Variants in WDR27 observed in about 807,000 individuals in gnomAD.
WDR27 encodes WD repeat-containing protein 27.
WDR27 carries 100 observed loss-of-function variants against 114.4 expected under a neutral mutation model. The ratio of observed to expected loss-of-function variants is 0.87; its 90% CI spans 0.74 to 1.03. WDR27 has a LOEUF of 1.03. Among genes scored for constraint, WDR27 ranks in the 50% least tolerant of loss-of-function variants. WDR27 has a pLI of 0.00. For missense variants in WDR27, 1,129 were observed against 1,092.9 expected (o/e 1.03, Z -0.47); for synonymous variants, 449 against 423.1 (o/e 1.06, Z -0.75).
chr6:169,695,884 G>A (rs1007140856), intron 1 of WDR27, among the ~76,000 whole-genome samples: 2 of 152,168 alleles, frequency 1.3e-5, no homozygotes, highest in Admixed American at 1.3e-4. Flanking sequence ...TCAACCTGCT[G>A]TGGTTACCGG....
chr6:169,469,793 A>G (rs930665840), intron 25 of WDR27, among the ~76,000 whole-genome samples: 1 of 152,192 alleles, frequency 6.6e-6, no homozygotes, highest in African/African-American at 2.4e-5. Context: ...TACACTGGCA[A>G]TGTTTCCACT....
chr6:169,463,439 C>G (rs1002401204), intron 25 of WDR27, among the ~76,000 whole-genome samples: 1 of 152,192 alleles, frequency 6.6e-6, no homozygotes, highest in African/African-American at 2.4e-5. Context: ...GGTCATTATA[C>G]TCGATGGTGA....
At chr6:169,632,868 G>A in intron 21 of WDR27, 79 bp downstream of exon 21, 1 of 1,298,128 alleles carries the variant, frequency 7.7e-7, no homozygotes, top group Admixed American at 2.6e-5. Flanking sequence ...TTATAAAATG[G>A]CATCATACAT....
intron 1 of WDR27, among the ~76,000 whole-genome samples, chr6:169,692,677 G>A (rs961413678): frequency 1.3e-5 from 2 of 152,074 alleles, no homozygotes; most frequent in African/African-American, 4.8e-5. Context: ...CACTTCCCTG[G>A]CAACCTATGT....
At chr6:169,582,162 A>G (rs893240053) in intron 24 of WDR27, among the ~76,000 whole-genome samples, 12 of 152,040 alleles carry the variant, frequency 7.9e-5, no homozygotes, top group African/African-American at 1.2e-4. Context: ...TTTAGTAGAG[A>G]TGGCGTTTCG....
intron 25 of WDR27, among the ~76,000 whole-genome samples, chr6:169,543,221 A>C (rs1017692255): frequency 2.0e-5 from 3 of 152,130 alleles, no homozygotes; most frequent in Admixed American, 1.3e-4. Flanking sequence ...AAAGTTAAGC[A>C]AAAAATAAGA....
chr6:169,651,957 C>T lies in WDR27; in HGVS notation c.1454G>A (p.Arg485Lys). Residue 485 changes from arginine to lysine, a missense_variant, in exon 14 of 26, where the codon AGG becomes AAG. Physicochemically the swap from Arg to Lys is conservative, Grantham distance 26. Transcript: ENST00000448612. ...DQRLVFHSKV[R>K]SSGYASAPHV... Reference sequence around the variant, plus strand: ...TGGTGCTGACGCATAACCAGATGACCTAACTTTACTATGGAAAACCAGGCG... The same window carrying T: ...TGGTGCTGACGCATAACCAGATGACTTAACTTTACTATGGAAAACCAGGCG... The T allele has an allele frequency of 6.2e-7, 1 of 1,613,864 alleles. No homozygotes were observed. The highest frequency in any genetic ancestry group is 1.6e-4 in the Middle Eastern group (1 of 6,062).
intron 23 of WDR27, among the ~76,000 whole-genome samples, chr6:169,594,860 A>G (rs1393818066): frequency 1.3e-5 from 2 of 152,200 alleles, no homozygotes; most frequent in Admixed American, 1.3e-4. Flanking sequence ...CCAATCTGAA[A>G]GTTTTTTTCT....
intron 25 of WDR27, among the ~76,000 whole-genome samples, chr6:169,485,843 A>G (rs188993546): frequency 1.3e-5 from 2 of 152,316 alleles, no homozygotes; most frequent in African/African-American, 4.8e-5. Flanking sequence ...AAAGAATGAG[A>G]TCATGTCCTT....
rs1271469790 is a variant in WDR27 at position 169,701,687 on chromosome 6, G to A, written c.-144C>T. The A allele has an allele frequency of 1.1e-5, 2 of 179,034 alleles. No homozygotes were observed. The highest frequency in any genetic ancestry group is 2.4e-5 in the Non-Finnish European group (2 of 83,656). 11.1% of individuals were successfully genotyped at this position (179,034 alleles called of 1,614,324 possible). A position where few individuals can be genotyped will look rare whatever the true frequency, so the allele number is the denominator to read the frequency against. On this transcript the variant is annotated 5_prime_UTR_variant, in exon 1 of 26. Transcript: ENST00000448612. ...TCGCACTAGCACGGCGTCAGGAGGA[G>A]GCTTCGGGTGACGAGACAGCGGGCA...
At chr6:169,594,341 T>C (rs905166801) in intron 23 of WDR27, among the ~76,000 whole-genome samples, 1 of 152,258 alleles carries the variant, frequency 6.6e-6, no homozygotes, top group African/African-American at 2.4e-5. Context: ...GATTCATTTA[T>C]GGTCATTGTT....
At chr6:169,583,040 A>G in intron 23 of WDR27, 106 bp from the exon 24 acceptor site, 1 of 884,406 alleles carries the variant, frequency 1.1e-6, no homozygotes, top group South Asian at 1.7e-5. Context: ...AGTTGATCAG[A>G]TACAACAGCA....
chr6:169,571,632 A>C (rs1445171418), intron 25 of WDR27, among the ~76,000 whole-genome samples: 3 of 152,254 alleles, frequency 2.0e-5, no homozygotes, highest in Non-Finnish European at 4.4e-5. Flanking sequence ...GTTCAAGGCC[A>C]GCCTAGGCAA....
Position 169,516,818 on chromosome 6 carries a change from C to CAT in WDR27, c.2645+55600_2645+55601insAT, listed in dbSNP as rs1554278319. Among the ~76,000 whole-genome samples the CAT allele has an allele frequency of 1.8e-3, 268 of 151,616 alleles. 2 individuals are homozygous for CAT. In the East Asian group the frequency reaches 0.027, roughly 15 times the overall value. ...ACACACACACACACACACACACACA[C>CAT]ACACACACACACACACACCCCTCCC... On this transcript the variant is annotated intron_variant, in intron 25 of 25. Transcript: ENST00000448612.
intron 25 of WDR27, among the ~76,000 whole-genome samples, chr6:169,458,570 C>T (rs984111878): frequency 1.3e-5 from 2 of 152,032 alleles, no homozygotes; most frequent in Non-Finnish European, 2.9e-5. Context: ...GTGGGTGGAT[C>T]ACTTGAGGTC....
chr6:169,469,389 C>A (rs1786042723), intron 25 of WDR27, among the ~76,000 whole-genome samples: 1 of 152,188 alleles, frequency 6.6e-6, no homozygotes, highest in Non-Finnish European at 1.5e-5. Flanking sequence ...CAAGGAAGCC[C>A]AAAGCCTAGC....
chr6:169,658,256 T>C lies in WDR27; in HGVS notation c.1402+20A>G. ...CGCATCAGCCTTGTATTCTTAGATC[T>C]CACAGCACCCTGTACTGACCACGTC... On this transcript the variant is annotated intron_variant, in intron 13 of 25. Coordinates refer to ENST00000448612, the MANE Select transcript of WDR27 (RefSeq NM_182552.5). 1 of 1,581,734 alleles carries C rather than the reference T, an allele frequency of 6.3e-7. No individual in the cohort carries two copies. Among genetic ancestry groups the C allele is most frequent in the Admixed American group, 1.8e-5 (1 of 56,260 alleles).
chr6:169,672,489 G>C (rs1224494286), intron 2 of WDR27, 93 bp from the exon 3 acceptor site: 1 of 1,273,622 alleles, frequency 7.9e-7, no homozygotes, highest in African/African-American at 1.5e-5. Flanking sequence ...TTAAAAGATT[G>C]AGTTTTTCAA....
At chr6:169,699,425 AG>A (rs1477283826) in intron 1 of WDR27, among the ~76,000 whole-genome samples, 1 of 152,220 alleles carries the variant, frequency 6.6e-6, no homozygotes, top group Non-Finnish European at 1.5e-5. Context: ...CAGTAGACAC[AG>A]GAAGAACGAC....
Sources: allele counts gnomAD v4.1 joint callset (sites outside exome capture counted in the v4.1 genomes callset), GRCh38; gene constraint gnomAD v4.1.1; transcripts MANE v1.5; gene names NCBI Gene and HGNC (gene_info 2026-07-23, HGNC 2026-07-21).